The following SH2D4B variants were observed in gnomAD, a reference collection of about 807,000 sequenced individuals.
SH2D4B encodes SH2 domain-containing protein 4B.
A neutral mutation model predicts 61.5 loss-of-function variants in SH2D4B; 45 were observed. The observed-to-expected ratio is 0.73, with a 90% CI of 0.58 to 0.94. SH2D4B has a LOEUF of 0.94. Among genes scored for constraint, SH2D4B ranks in the 40% least tolerant of loss-of-function variants. SH2D4B has a pLI of 0.00. For missense variants in SH2D4B, 572 were observed against 574.2 expected (o/e 1.00, Z 0.04); for synonymous variants, 224 against 220.4 (o/e 1.02, Z -0.14).
At position 80,568,533 on chromosome 10, in the gene SH2D4B, G is replaced by A. The variant is rs144997582; in HGVS notation, c.185-1621G>A. Among the ~76,000 whole-genome samples, 240 of 152,268 alleles carry A rather than the reference G, an allele frequency of 1.6e-3. 1 individual carries two copies. Among genetic ancestry groups the A allele is most frequent in the African/African-American group, 5.5e-3 (227 of 41,548 alleles). ...TCAGTGATGCTCCTTGTGGTTGAAG[G>A]TGGACGGAGCACATCCTCATGGTCA... On this transcript the variant is annotated intron_variant, in intron 1 of 7. Coordinates refer to ENST00000646907, the MANE Select transcript of SH2D4B (RefSeq NM_001388272.1).
intron 6 of SH2D4B, among the ~76,000 whole-genome samples, chr10:80,618,758 G>A (rs1402197878): frequency 3.3e-5 from 5 of 152,252 alleles, no homozygotes; most frequent in African/African-American, 1.2e-4. Context: ...GTGAAACGTC[G>A]TGGCTGGCCT....
At chr10:80,598,391 T>C (rs1026119442) in intron 4 of SH2D4B, among the ~76,000 whole-genome samples, 2 of 152,186 alleles carry the variant, frequency 1.3e-5, no homozygotes, top group Non-Finnish European at 2.9e-5. Context: ...TGCTCATTAA[T>C]GTACGGTGTG....
chr10:80,606,629 T>G lies in SH2D4B; in HGVS notation c.861-2795T>G, dbSNP rs60120095. 3.9e-5 allele frequency among the ~76,000 whole-genome samples: 6 copies of G among 152,320 alleles called. No individual in the cohort carries two copies. The East Asian group carries it at 1.2e-3, about 29-fold the overall frequency. ...TCCCAAAGTGCTGGGATTGCAGCCA[T>G]GAGTCACTGTGCCCGGCCTGTTACA... On this transcript the variant is annotated intron_variant, in intron 5 of 7. Coordinates refer to ENST00000646907, the MANE Select transcript of SH2D4B (RefSeq NM_001388272.1).
intron 6 of SH2D4B, among the ~76,000 whole-genome samples, chr10:80,615,224 G>A (rs1842647581): frequency 6.6e-6 from 1 of 152,240 alleles, no homozygotes. Context: ...GCATCCCATG[G>A]CACTGCCAAT....
intron 6 of SH2D4B, among the ~76,000 whole-genome samples, chr10:80,626,511 C>G (rs1279934971): frequency 6.6e-6 from 1 of 152,294 alleles, no homozygotes; most frequent in Non-Finnish European, 1.5e-5. Flanking sequence ...CTGTGGGACT[C>G]GGATTCTATA....
rs201621189 is a variant in SH2D4B at position 80,570,153 on chromosome 10, G to A, written c.185-1G>A. On this transcript the variant is annotated splice_acceptor_variant, in intron 1 of 7. Coordinates refer to ENST00000646907, the MANE Select transcript of SH2D4B (RefSeq NM_001388272.1). LOFTEE classifies it high-confidence loss of function. ...TTCTTCTTCCTTCTTCTATTGTGAA[G>A]CAGCGAGTGACAAGCACATCCAATG... 2 of 1,614,076 alleles carry A rather than the reference G, an allele frequency of 1.2e-6. No individual in the cohort carries two copies. The highest frequency in any genetic ancestry group is 1.7e-6 in the Non-Finnish European group (2 of 1,179,982).
rs1840389659 is a variant in SH2D4B, at chr10:80,645,918, T to C, written c.*1833T>C. ...CTTTCTGAACTCTAATGTGCCTTCA[T>C]TGATTATCATTAAAATTATCATTAA... is the stretch of plus-strand genomic sequence containing the variant. On this transcript the variant is annotated 3_prime_UTR_variant, in exon 8 of 8. Coordinates refer to ENST00000646907, the MANE Select transcript of SH2D4B (RefSeq NM_001388272.1). The C allele has an allele frequency of 2.0e-5, 3 of 152,210 alleles. 1 individual carries two copies. The highest frequency in any genetic ancestry group is 2.1e-4 in the South Asian group (1 of 4,838). 9.4% of individuals were successfully genotyped at this position (152,210 alleles called of 1,614,324 possible). A position where few individuals can be genotyped will look rare whatever the true frequency, so the allele number is the denominator to read the frequency against.
intron 1 of SH2D4B, among the ~76,000 whole-genome samples, chr10:80,549,666 C>A (rs142485066): frequency 6.6e-6 from 1 of 152,250 alleles, no homozygotes; most frequent in Non-Finnish European, 1.5e-5. Context: ...TGCAGCCTGC[C>A]ACCTTGCTCT....
At position 80,621,195 on chromosome 10, in the gene SH2D4B, A is replaced by G. The variant is rs182959518; in HGVS notation, c.988+11644A>G. Among the ~76,000 whole-genome samples, 20 of 152,350 alleles carry G rather than the reference A, an allele frequency of 1.3e-4. No individual in the cohort carries two copies. In the East Asian group the frequency reaches 3.9e-3, roughly 29 times the overall value. ...ATATCTGAAGACACATTTGATTATC[A>G]TAACTGGGAGATGCTTTTGGCATCT... On this transcript the variant is annotated intron_variant, in intron 6 of 7. Coordinates refer to ENST00000646907, the MANE Select transcript of SH2D4B (RefSeq NM_001388272.1).
At position 80,634,351 on chromosome 10, in the gene SH2D4B, G is replaced by A. The variant is rs780899613; in HGVS notation, c.1055G>A (p.Arg352Gln). 14 of 1,550,338 alleles carry A rather than the reference G, an allele frequency of 9.0e-6. No individual in the cohort carries two copies. The highest frequency in any genetic ancestry group is 1.4e-5 in the African/African-American group (1 of 73,168). Reference protein sequence around the residue: ...ENMTEGAFLVRVSEKIWGYTL... With the variant: ...ENMTEGAFLVQVSEKIWGYTL... ...ATGACTGAGGGAGCATTCCTGGTCC[G>A]GGTCAGTGAGAAAATCTGGGGTTAC... The change falls in exon 7 of 8, where the codon CGG becomes CAG. Residue 352 changes from arginine (R) to glutamine (Q), a missense_variant. Physicochemically the swap from Arg to Gln is conservative, Grantham distance 43. Transcript: ENST00000646907.
intron 1 of SH2D4B, among the ~76,000 whole-genome samples, chr10:80,567,309 G>GC (rs764391971): frequency 5.3e-5 from 8 of 152,230 alleles, no homozygotes; most frequent in Non-Finnish European, 8.8e-5. Flanking sequence ...TCAGTCATCT[G>GC]TGGGCTGAGG....
chr10:80,599,105 A>G (rs1842415535), intron 4 of SH2D4B, among the ~76,000 whole-genome samples: 1 of 152,124 alleles, frequency 6.6e-6, no homozygotes, highest in South Asian at 2.1e-4. Context: ...GGGTCCAGTG[A>G]TATGGGTTCC....
chr10:80,572,961 TATATATATATATATATATATATA>T (rs1842070031), intron 3 of SH2D4B, among the ~76,000 whole-genome samples: 9 of 6,860 alleles, frequency 1.3e-3, no homozygotes, highest in Non-Finnish European at 2.4e-3. Flanking sequence ...TATATATATA[TATATATATATATATATATATATA>T]TATTTTTTTT....
At chr10:80,557,631 T>C (rs1841855361) in intron 1 of SH2D4B, among the ~76,000 whole-genome samples, 1 of 152,172 alleles carries the variant, frequency 6.6e-6, no homozygotes, top group African/African-American at 2.4e-5. Context: ...ATCTAAGTTA[T>C]CAACTTGATA....
intron 7 of SH2D4B, among the ~76,000 whole-genome samples, chr10:80,637,287 A>G (rs1437064171): frequency 1.3e-5 from 2 of 152,252 alleles, no homozygotes; most frequent in Admixed American, 1.3e-4. Context: ...TTTTGGTTCC[A>G]TATGAACTTT....
intron 2 of SH2D4B, 36 bp downstream of exon 2, chr10:80,570,352 G>A: frequency 6.2e-7 from 1 of 1,607,584 alleles, no homozygotes; most frequent in Non-Finnish European, 8.5e-7. Flanking sequence ...TGGGGCCTAG[G>A]CATGGAAGCT....
At chr10:80,582,698 G>A (rs1407762449) in intron 3 of SH2D4B, among the ~76,000 whole-genome samples, 2 of 152,162 alleles carry the variant, frequency 1.3e-5, no homozygotes, top group African/African-American at 2.4e-5. Context: ...TTCCTGGGGG[G>A]ACTAACTATT....
rs549982429 is a variant in SH2D4B, at chr10:80,646,432, G to T, written c.*2347G>T. 1 of 152,220 alleles carries T rather than the reference G, an allele frequency of 6.6e-6. No individual in the cohort carries two copies. Among genetic ancestry groups the T allele is most frequent in the East Asian group, 1.9e-4 (1 of 5,178 alleles). The allele number at this position is 152,220 out of a possible 1,614,324, so 9.4% of individuals were successfully genotyped here. ...TTTCTGCATGTCTCATATATTTTAG[G>T]TTTTACCTTTTTACCTGGCTTTAAA... On this transcript the variant is annotated 3_prime_UTR_variant, in exon 8 of 8. Transcript: ENST00000646907.
At chr10:80,615,970 G>A (rs1164475030) in intron 6 of SH2D4B, among the ~76,000 whole-genome samples, 1 of 152,172 alleles carries the variant, frequency 6.6e-6, no homozygotes, top group Non-Finnish European at 1.5e-5. Context: ...AGACAAACAT[G>A]GTGGCACATC....
Sources: gnomAD v4.1 joint callset for allele counts (sites outside exome capture counted in the v4.1 genomes callset) on GRCh38, gnomAD v4.1.1 for gene constraint, MANE v1.5 for transcripts, NCBI Gene and HGNC (gene_info 2026-07-23, HGNC 2026-07-21) for gene names.